KIF2A: variants seen among roughly 807,000 people sequenced by gnomAD.
KIF2A encodes the protein kinesin family member 2A.
Under a neutral mutation model 100.2 loss-of-function variants are expected in KIF2A, and 22 were observed. The ratio of observed to expected loss-of-function variants is 0.22; its 90% CI spans 0.16 to 0.31. The LOEUF is 0.31. Ranked by LOEUF, KIF2A falls within the 10% of genes least tolerant of loss-of-function variation. KIF2A has a pLI of 1.00. For missense variants in KIF2A, 495 were observed against 898.7 expected (o/e 0.55, Z 5.74); for synonymous variants, 268 against 285.9 (o/e 0.94, Z 0.63).
intron 14 of KIF2A, among the ~76,000 whole-genome samples, chr5:62,364,400 C>G (rs1306872636): frequency 2.6e-5 from 4 of 152,270 alleles, no homozygotes; most frequent in African/African-American, 9.6e-5. Flanking sequence ...CCCACCTCAG[C>G]CTTCCAAAGT....
chr5:62,321,820 A>G (rs901664344), intron 1 of KIF2A, among the ~76,000 whole-genome samples: 1 of 152,006 alleles, frequency 6.6e-6, no homozygotes, highest in Non-Finnish European at 1.5e-5. Flanking sequence ...TGGCCTCCCA[A>G]AATTCTGGGA....
rs1742156804 is a variant in KIF2A at position 62,388,808 on chromosome 5, C to G, written c.*3239C>G. 11 of 594,724 alleles carry G rather than the reference C, an allele frequency of 1.8e-5. No homozygotes were observed. Among genetic ancestry groups the G allele is most frequent in the Non-Finnish European group, 3.3e-5 (11 of 331,530 alleles). 36.8% of individuals were successfully genotyped at this position (594,724 alleles called of 1,614,324 possible). ...GATTATTATGAATAGATTGGACCAG[C>G]ATTATATATTAAAAACTTTGATACT... On this transcript the variant is annotated 3_prime_UTR_variant, in exon 21 of 21. Coordinates refer to ENST00000407818, the MANE Select transcript of KIF2A (RefSeq NM_001098511.3).
At chr5:62,361,391 C>A in intron 10 of KIF2A, 59 bp downstream of exon 10, 1 of 1,444,604 alleles carries the variant, frequency 6.9e-7, no homozygotes, top group Non-Finnish European at 9.7e-7. Flanking sequence ...TTCCTTATAG[C>A]TTAATTCTGT....
intron 19 of KIF2A, among the ~76,000 whole-genome samples, chr5:62,380,094 T>C (rs1741710072): frequency 6.6e-6 from 1 of 152,222 alleles, no homozygotes; most frequent in Non-Finnish European, 1.5e-5. Flanking sequence ...GGTTTCACCA[T>C]GTTGGCCCGG....
intron 9 of KIF2A, among the ~76,000 whole-genome samples, chr5:62,360,674 G>A (rs1054349701): frequency 5.9e-5 from 9 of 151,722 alleles, no homozygotes; most frequent in African/African-American, 9.7e-5. Flanking sequence ...GGACGAGAAC[G>A]AGACTTCGTC....
At chr5:62,363,945 T>C in intron 14 of KIF2A, 46 bp downstream of exon 14, 1 of 1,451,854 alleles carries the variant, frequency 6.9e-7, no homozygotes, top group Non-Finnish European at 9.3e-7. Context: ...ACTTTTGACT[T>C]TAATTTTCTT....
At chr5:62,313,501 C>T (rs947769261) in intron 1 of KIF2A, among the ~76,000 whole-genome samples, 34 of 152,194 alleles carry the variant, frequency 2.2e-4, no homozygotes, top group African/African-American at 8.2e-4. Flanking sequence ...TATAGGCATG[C>T]GCCAACATGC....
intron 1 of KIF2A, among the ~76,000 whole-genome samples, chr5:62,327,955 G>A (rs1757363879): frequency 6.6e-6 from 1 of 152,212 alleles, no homozygotes; most frequent in Non-Finnish European, 1.5e-5. Context: ...ATGTAGCTGT[G>A]AAAAGTTCAC....
chr5:62,379,811 G>A (rs1315912073), intron 19 of KIF2A, among the ~76,000 whole-genome samples: 1 of 152,198 alleles, frequency 6.6e-6, no homozygotes, highest in East Asian at 1.9e-4. Flanking sequence ...TCGGAAAATT[G>A]AGATTGTATG....
intron 1 of KIF2A, among the ~76,000 whole-genome samples, chr5:62,309,457 GT>G (rs1219375486): frequency 3.3e-5 from 5 of 152,202 alleles, no homozygotes; most frequent in Non-Finnish European, 5.9e-5. Context: ...GGACAGTAGT[GT>G]TTCACAATAG....
chr5:62,361,859 TA>T (rs1180193216), intron 11 of KIF2A, among the ~76,000 whole-genome samples: 5 of 151,700 alleles, frequency 3.3e-5, no homozygotes, highest in South Asian at 2.1e-4. Context: ...CCATCTCTAC[TA>T]AAAATACAAA....
chr5:62,342,116 C>T (rs924888381), intron 1 of KIF2A, among the ~76,000 whole-genome samples: 6 of 152,154 alleles, frequency 3.9e-5, no homozygotes, highest in Non-Finnish European at 8.8e-5. Context: ...TTCTCCAAAA[C>T]CTTTGTTGCT....
intron 20 of KIF2A, among the ~76,000 whole-genome samples, chr5:62,382,194 GTTAT>G (rs1287757960): frequency 1.3e-5 from 2 of 152,000 alleles, no homozygotes; most frequent in Admixed American, 6.6e-5. Flanking sequence ...GTTTTGAAGG[GTTAT>G]TTTTCTTTTA....
chr5:62,359,245 A>C (rs967771537), intron 9 of KIF2A, among the ~76,000 whole-genome samples: 25 of 152,264 alleles, frequency 1.6e-4, no homozygotes, highest in African/African-American at 5.8e-4. Context: ...TAATTATAAC[A>C]CCAGTTTTAG....
At chr5:62,362,173 A>T (rs535593673) in intron 11 of KIF2A, among the ~76,000 whole-genome samples, 1 of 151,470 alleles carries the variant, frequency 6.6e-6, no homozygotes, top group African/African-American at 2.4e-5. Context: ...GCTATGGTAT[A>T]AGAATAACCT....
chr5:62,361,561 ATTC>A (rs1271953720), intron 11 of KIF2A, 32 bp downstream of exon 11: 1 of 1,226,252 alleles, frequency 8.2e-7, no homozygotes, highest in Non-Finnish European at 1.2e-6. Context: ...AATTTGGAAT[ATTC>A]TTCTGTGGTA....
chr5:62,353,064 T>G (rs1396011187), intron 5 of KIF2A: 2 of 448,362 alleles, frequency 4.5e-6, no homozygotes, highest in East Asian at 7.6e-5. Flanking sequence ...ATCAATATGT[T>G]TGAGTCATTT....
intron 19 of KIF2A, among the ~76,000 whole-genome samples, chr5:62,379,461 G>C (rs1427474378): frequency 6.6e-6 from 1 of 152,054 alleles, no homozygotes; most frequent in Non-Finnish European, 1.5e-5. Flanking sequence ...TTGCGAGTTC[G>C]ATACCAGCCT....
chr5:62,325,934 A>G (rs1746356183), intron 1 of KIF2A, among the ~76,000 whole-genome samples: 1 of 152,200 alleles, frequency 6.6e-6, no homozygotes, highest in Admixed American at 6.5e-5. Context: ...AACATTGGGT[A>G]AATACCGGAC....
Sources: allele counts gnomAD v4.1 joint callset (sites outside exome capture counted in the v4.1 genomes callset), GRCh38; gene constraint gnomAD v4.1.1; transcripts MANE v1.5; gene names NCBI Gene and HGNC (gene_info 2026-07-23, HGNC 2026-07-21).